FARS2: variants seen among roughly 807,000 people sequenced by gnomAD.
The protein encoded by FARS2 is phenylalanyl-tRNA synthetase 2, mitochondrial, also known as phenylalanine--tRNA ligase, mitochondrial.
A neutral mutation model predicts 46.4 loss-of-function variants in FARS2; 40 were observed. The observed-to-expected ratio is 0.86, with a 90% confidence interval of 0.67 to 1.12. The LOEUF (loss-of-function observed/expected upper bound fraction) is 1.12. FARS2 is among the 50% of genes most tolerant of loss of function. The pLI is 0.00. For synonymous variants in FARS2, 234 were observed against 214.9 expected (o/e 1.09, Z -0.78); for missense variants, 513 against 567.9 (o/e 0.90, Z 0.98).
intron 5 of FARS2, among the ~76,000 whole-genome samples, chr6:5,571,644 T>C (rs779592357): frequency 6.6e-6 from 1 of 152,200 alleles, no homozygotes; most frequent in Non-Finnish European, 1.5e-5. Context: ...CCCACCAGCC[T>C]AGAGGCAGTG....
At position 5,576,612 on chromosome 6, in the gene FARS2, TA is replaced by T. The variant is rs894649641; in HGVS notation, c.1065+31275del. The stretch of plus-strand genomic sequence containing the variant: ...CTCTATATATGATATATTATATATA[TA>T]AAGTATATATCATATATTAACATAT... On this transcript the variant is annotated intron_variant, in intron 5 of 6. Coordinates refer to ENST00000274680, the MANE Select transcript of FARS2 (RefSeq NM_006567.5). 9.4e-3 allele frequency among the ~76,000 whole-genome samples: 1,383 copies of T among 147,792 alleles called. 18 individuals carry two copies. The highest frequency in any genetic ancestry group is 0.032 in the African/African-American group (1,318 of 40,734).
chr6:5,368,440 G>T (rs1018772378), intron 1 of FARS2, 110 bp from the exon 2 acceptor site: 1 of 914,848 alleles, frequency 1.1e-6, no homozygotes, highest in South Asian at 1.6e-5. Context: ...AGGTCGTAGT[G>T]GGGGAAACAT....
chr6:5,467,661 A>C (rs907824753), intron 4 of FARS2, among the ~76,000 whole-genome samples: 3 of 152,174 alleles, frequency 2.0e-5, no homozygotes, highest in South Asian at 2.1e-4. Flanking sequence ...CTGTGGATAA[A>C]TGTTAGTTTG....
At chr6:5,668,938 G>A (rs190638114) in intron 6 of FARS2, among the ~76,000 whole-genome samples, 1,994 of 151,776 alleles carry the variant, frequency 0.013, 51 homozygotes, top group African/African-American at 0.046. Flanking sequence ...TCAGGCGATG[G>A]ACCCGCCTTG....
intron 4 of FARS2, among the ~76,000 whole-genome samples, chr6:5,524,923 C>T (rs1769366445): frequency 6.6e-6 from 1 of 152,200 alleles, no homozygotes. Context: ...AGAAGGAAAG[C>T]AAACCCTGGT....
At chr6:5,392,959 A>C (rs1760664736) in intron 2 of FARS2, among the ~76,000 whole-genome samples, 1 of 148,514 alleles carries the variant, frequency 6.7e-6, no homozygotes. Flanking sequence ...TATACACATA[A>C]AATATATTGA....
intron 2 of FARS2, among the ~76,000 whole-genome samples, chr6:5,394,859 A>G (rs1418999274): frequency 6.6e-6 from 1 of 152,008 alleles, no homozygotes; most frequent in Non-Finnish European, 1.5e-5. Context: ...TTGACGTCAC[A>G]CTCATTTTGC....
At chr6:5,498,125 A>C (rs1281211054) in intron 4 of FARS2, among the ~76,000 whole-genome samples, 1 of 152,194 alleles carries the variant, frequency 6.6e-6, no homozygotes, top group Non-Finnish European at 1.5e-5. Context: ...ATTTGATGTT[A>C]CTTGTGGTTT....
intron 6 of FARS2, among the ~76,000 whole-genome samples, chr6:5,748,784 C>T (rs1040242275): frequency 6.6e-6 from 1 of 152,178 alleles, no homozygotes; most frequent in African/African-American, 2.4e-5. Context: ...TTAAGTGCTG[C>T]CTGTGGGCGA....
At chr6:5,366,372 A>C (rs1182974139) in intron 1 of FARS2, among the ~76,000 whole-genome samples, 6 of 152,158 alleles carry the variant, frequency 3.9e-5, no homozygotes, top group Admixed American at 2.0e-4. Context: ...CTTATAGAGA[A>C]ATTCGATAGA....
intron 4 of FARS2, among the ~76,000 whole-genome samples, chr6:5,474,625 A>T (rs1225080681): frequency 6.6e-6 from 1 of 151,458 alleles, no homozygotes; most frequent in Non-Finnish European, 1.5e-5. Flanking sequence ...ATCTGAGCAT[A>T]TCTAAACATA....
intron 3 of FARS2, among the ~76,000 whole-genome samples, chr6:5,405,477 G>GTTTTTTTTTTTT (rs1554181324): frequency 3.3e-4 from 31 of 93,158 alleles, no homozygotes; most frequent in Admixed American, 4.4e-4. Flanking sequence ...GTGGAGCAAG[G>GTTTTTTTTTTTT]TTCTTTTTTT....
rs926429185 is a variant in FARS2 at position 5,520,890 on chromosome 6, T to C, written c.905-24290T>C. Reference sequence around the variant, plus strand: ...TTAGTGAATCAGAATATTTTTAATGTCCTGTTGGATTTCAATTGGTTGCTG... The same window carrying C: ...TTAGTGAATCAGAATATTTTTAATGCCCTGTTGGATTTCAATTGGTTGCTG... On this transcript the variant is annotated intron_variant, in intron 4 of 6. Coordinates refer to ENST00000274680, the MANE Select transcript of FARS2 (RefSeq NM_006567.5). Among the ~76,000 whole-genome samples the C allele has an allele frequency of 3.3e-5, 5 of 152,342 alleles. 1 individual carries two copies. In the East Asian group the frequency reaches 7.7e-4, roughly 23 times the overall value.
intron 1 of FARS2, among the ~76,000 whole-genome samples, chr6:5,276,808 C>T (rs1454693406): frequency 6.6e-6 from 1 of 152,188 alleles, no homozygotes; most frequent in Non-Finnish European, 1.5e-5. Flanking sequence ...AGGAGGAGGG[C>T]ATGTTGGGCT....
intron 6 of FARS2, among the ~76,000 whole-genome samples, chr6:5,715,251 T>C (rs1237851683): frequency 6.6e-6 from 1 of 152,190 alleles, no homozygotes; most frequent in East Asian, 1.9e-4. Context: ...GGTCTGATGA[T>C]AGAGCCTACA....
intron 5 of FARS2, among the ~76,000 whole-genome samples, chr6:5,570,847 A>G (rs1772601994): frequency 6.6e-6 from 1 of 152,180 alleles, no homozygotes; most frequent in Admixed American, 6.5e-5. Context: ...TCCAGCTTCA[A>G]ACCACAGAAG....
intron 3 of FARS2, among the ~76,000 whole-genome samples, chr6:5,423,782 G>A (rs536922935): frequency 5.9e-5 from 9 of 152,244 alleles, no homozygotes; most frequent in East Asian, 1.9e-4. Context: ...TTGTGTGGAC[G>A]CATAGGATAT....
intron 6 of FARS2, among the ~76,000 whole-genome samples, chr6:5,619,956 C>A (rs963680077): frequency 6.6e-6 from 1 of 152,134 alleles, no homozygotes; most frequent in African/African-American, 2.4e-5. Context: ...ACAGCTCTTA[C>A]ACTTTTACAT....
At chr6:5,543,152 A>G (rs927198758) in intron 4 of FARS2, among the ~76,000 whole-genome samples, 9 of 152,208 alleles carry the variant, frequency 5.9e-5, no homozygotes, top group African/African-American at 2.2e-4. Flanking sequence ...GCTAATGACC[A>G]GTGCCTCTCC....
Sources: allele counts gnomAD v4.1 joint callset (sites outside exome capture counted in the v4.1 genomes callset), GRCh38; gene constraint gnomAD v4.1.1; transcripts MANE v1.5; gene names NCBI Gene and HGNC (gene_info 2026-07-23, HGNC 2026-07-21).